The following SNX11 variants were observed in gnomAD, a reference collection of about 807,000 sequenced individuals.
The protein encoded by SNX11 is sorting nexin 11.
SNX11 carries 19 observed loss-of-function variants against 30.7 expected under a neutral mutation model. That is an observed-to-expected ratio of 0.62 (90% CI 0.43 to 0.91). SNX11 has a LOEUF of 0.91. Among genes scored for constraint, SNX11 ranks in the 40% least tolerant of loss-of-function variants. The pLI is 0.00. For synonymous variants in SNX11, 112 were observed against 119.0 expected, an observed-to-expected ratio of 0.94 and a Z score of 0.38; for missense variants, 302 against 326.7, an observed-to-expected ratio of 0.92 and a Z score of 0.58.
chr17:48,123,097 C>T lies in SNX11; in HGVS notation c.*1589C>T, dbSNP rs2063615257. On this transcript the variant is annotated 3_prime_UTR_variant, in exon 7 of 7. Coordinates refer to ENST00000359238, the MANE Select transcript of SNX11 (RefSeq NM_013323.3). ...AAAGCCCTGGCTGGTATTCATCCCT[C>T]TTTCCTGCCCGCCTCCCCTGGGTCT... 6.6e-6 allele frequency: 1 copy of T among 152,258 alleles called. No individual in the cohort carries two copies. Among genetic ancestry groups the T allele is most frequent in the African/African-American group, 2.4e-5 (1 of 41,458 alleles). 9.4% of individuals were successfully genotyped at this position (152,258 alleles called of 1,614,324 possible). A position where few individuals can be genotyped will look rare whatever the true frequency, so the allele number is the denominator to read the frequency against.
intron 4 of SNX11, among the ~76,000 whole-genome samples, chr17:48,116,243 C>G (rs1030720646): frequency 1.3e-5 from 2 of 152,038 alleles, no homozygotes; most frequent in East Asian, 3.9e-4. Context: ...GGTGACAGAG[C>G]GAGACTGTCT....
At chr17:48,112,243 C>A in intron 2 of SNX11, 158 bp downstream of exon 2, 1 of 753,742 alleles carries the variant, frequency 1.3e-6, no homozygotes. Flanking sequence ...AAATCAACAG[C>A]AGAGGCATTC....
chr17:48,110,723 A>C (rs781333809), intron 1 of SNX11: 1 of 152,676 alleles, frequency 6.5e-6, no homozygotes, highest in African/African-American at 2.4e-5. Context: ...AGCCTGGATC[A>C]TTTGTTGGCA....
chr17:48,112,001 C>T (rs757862243), intron 1 of SNX11, 30 bp from the exon 2 acceptor site: 12 of 1,577,574 alleles, frequency 7.6e-6, no homozygotes, highest in African/African-American at 5.4e-5. Context: ...GCATACTAAC[C>T]TTGATCCTGT....
intron 2 of SNX11, 105 bp from the exon 3 acceptor site, chr17:48,112,469 G>A: frequency 1.4e-6 from 1 of 731,532 alleles, no homozygotes; most frequent in Non-Finnish European, 2.4e-6. Context: ...GAAAGTTGGT[G>A]TTGAGTGAAT....
chr17:48,119,234 C>T, intron 6 of SNX11, 48 bp downstream of exon 6: 2 of 1,417,454 alleles, frequency 1.4e-6, no homozygotes, highest in Non-Finnish European at 2.0e-6. Flanking sequence ...TTGCTATAAC[C>T]TGGACCAGAG....
At chr17:48,113,548 G>GA in intron 4 of SNX11, 147 bp downstream of exon 4, 1 of 428,660 alleles carries the variant, frequency 2.3e-6, no homozygotes, top group Non-Finnish European at 4.2e-6. Context: ...TGTTTTTTGG[G>GA]TTTTTTTTTT....
At chr17:48,111,680 C>T (rs1011005689) in intron 1 of SNX11, among the ~76,000 whole-genome samples, 6 of 150,192 alleles carry the variant, frequency 4.0e-5, no homozygotes, top group African/African-American at 1.5e-4. Flanking sequence ...GATGTGAGTG[C>T]TCACCAGACC....
Position 48,121,570 on chromosome 17 carries a change from G to A in SNX11, c.*62G>A. On this transcript the variant is annotated 3_prime_UTR_variant, in exon 7 of 7. Transcript: ENST00000359238. ...CGGGCCAGGAGACTTACTCAGGTGGGACTGGGCACAGGGCAGGTATGTGGG... is the reference window on the plus strand; with the variant it reads ...CGGGCCAGGAGACTTACTCAGGTGGAACTGGGCACAGGGCAGGTATGTGGG... 1 of 1,569,030 alleles carries A rather than the reference G, an allele frequency of 6.4e-7. No homozygotes were observed. The highest frequency in any genetic ancestry group is 8.7e-7 in the Non-Finnish European group (1 of 1,151,142).
rs974997896 is a variant in SNX11 at position 48,122,005 on chromosome 17, A to G, written c.*497A>G. On this transcript the variant is annotated 3_prime_UTR_variant, in exon 7 of 7. Transcript: ENST00000359238. The stretch of plus-strand genomic sequence containing the variant: ...CCTCCTTGCATGGACAGGGGGATGA[A>G]TATTTACTTTCCCACCTCCTTGCTT... 7 of 156,506 alleles carry G rather than the reference A, an allele frequency of 4.5e-5. No homozygotes were observed. The highest frequency in any genetic ancestry group is 1.0e-4 in the Non-Finnish European group (7 of 69,994). The allele number at this position is 156,506 out of a possible 1,614,324, so 9.7% of individuals were successfully genotyped here. A position where few individuals can be genotyped will look rare whatever the true frequency, so the allele number is the denominator to read the frequency against.
intron 4 of SNX11, among the ~76,000 whole-genome samples, chr17:48,116,366 G>A (rs911848479): frequency 6.6e-6 from 1 of 151,984 alleles, no homozygotes; most frequent in Admixed American, 6.6e-5. Context: ...ACAGGTATGT[G>A]CCACCATGCT....
At chr17:48,114,883 T>C (rs1421080034) in intron 4 of SNX11, among the ~76,000 whole-genome samples, 1 of 150,838 alleles carries the variant, frequency 6.6e-6, no homozygotes, top group African/African-American at 2.4e-5. Flanking sequence ...CCCAGGCTGG[T>C]GTCGAACTCC....
intron 2 of SNX11, 114 bp downstream of exon 2, chr17:48,112,199 GT>G: frequency 1.1e-6 from 1 of 948,738 alleles, no homozygotes; most frequent in South Asian, 1.3e-5. Flanking sequence ...TACTTTGGTG[GT>G]TCTGATGAGC....
At position 48,121,649 on chromosome 17, in the gene SNX11, G is replaced by T; in HGVS notation, c.*141G>T. On this transcript the variant is annotated 3_prime_UTR_variant, in exon 7 of 7. Coordinates refer to ENST00000359238, the MANE Select transcript of SNX11 (RefSeq NM_013323.3). Reference sequence around the variant, plus strand: ...ACCTCTGCTTGGGCTGATTGACAGAGGTCAGTCATTACAGCCCCTTATGCC... The same window carrying T: ...ACCTCTGCTTGGGCTGATTGACAGATGTCAGTCATTACAGCCCCTTATGCC... 1 of 832,166 alleles carries T rather than the reference G, an allele frequency of 1.2e-6. No individual in the cohort carries two copies. The highest frequency in any genetic ancestry group is 1.7e-5 in the South Asian group (1 of 59,524). 51.5% of individuals were successfully genotyped at this position (832,166 alleles called of 1,614,324 possible).
rs2079575596 is a variant in SNX11, at chr17:48,122,566, A to T, written c.*1058A>T. ...GAGCCGAGTGCCACAGGCATTCTGC[A>T]TTGCTCTACTCTTAGGTTTGTGTGT... On this transcript the variant is annotated 3_prime_UTR_variant, in exon 7 of 7. Coordinates refer to ENST00000359238, the MANE Select transcript of SNX11 (RefSeq NM_013323.3). The T allele has an allele frequency of 6.6e-6, 1 of 152,150 alleles. No individual in the cohort carries two copies. Among genetic ancestry groups the T allele is most frequent in the Non-Finnish European group, 1.5e-5 (1 of 68,070 alleles). The allele number at this position is 152,150 out of a possible 1,614,324, so 9.4% of individuals were successfully genotyped here.
chr17:48,120,013 T>C (rs2063582507), intron 6 of SNX11, among the ~76,000 whole-genome samples: 1 of 152,248 alleles, frequency 6.6e-6, no homozygotes, highest in South Asian at 2.1e-4. Context: ...AGTCATATGA[T>C]TTGTGGTCTT....
chr17:48,112,041 C>CAT lies in SNX11; in HGVS notation c.-3_-2insAT. 1 of 1,613,052 alleles carries CAT rather than the reference C, an allele frequency of 6.2e-7. No individual in the cohort carries two copies. The highest frequency in any genetic ancestry group is 8.5e-7 in the Non-Finnish European group (1 of 1,179,072). The stretch of plus-strand genomic sequence containing the variant: ...TCTGTCCCTCATCAGATGTTTCCTT[C>CAT]CAATGGGCTTTTGGTGTAGGATGTC... On this transcript the variant is annotated 5_prime_UTR_variant, in exon 2 of 7. Transcript: ENST00000359238.
chr17:48,111,994 T>C (rs1381486247), intron 1 of SNX11, 37 bp from the exon 2 acceptor site: 2 of 1,531,592 alleles, frequency 1.3e-6, no homozygotes, highest in Admixed American at 1.7e-5. Flanking sequence ...AACAGAGGCA[T>C]ACTAACCTTG....
At chr17:48,116,234 G>T (rs899985669) in intron 4 of SNX11, among the ~76,000 whole-genome samples, 1 of 152,110 alleles carries the variant, frequency 6.6e-6, no homozygotes, top group Non-Finnish European at 1.5e-5. Context: ...CTCCAGCCTG[G>T]TGACAGAGCG....
Sources: gnomAD v4.1 joint callset for allele counts (sites outside exome capture counted in the v4.1 genomes callset) on GRCh38, gnomAD v4.1.1 for gene constraint, MANE v1.5 for transcripts, NCBI Gene and HGNC (gene_info 2026-07-23, HGNC 2026-07-21) for gene names.